The following CHSY3 variants were observed in gnomAD, a reference collection of about 807,000 sequenced individuals.
The protein encoded by CHSY3 is chondroitin sulfate synthase 3, also known as N-acetylgalactosaminyl-proteoglycan 3-beta-glucuronosyltransferase 3.
A neutral mutation model predicts 67.2 loss-of-function variants in CHSY3; 35 were observed. That is an observed-to-expected ratio of 0.52 (90% confidence interval 0.40 to 0.69). CHSY3 has a LOEUF of 0.69. Ranked by LOEUF, CHSY3 falls within the 30% of genes least tolerant of loss-of-function variation. The probability of loss-of-function intolerance (pLI) is 0.00; values close to 1 mark genes in which losing one functional copy is unlikely to be tolerated. For missense variants in CHSY3, 1,069 were observed against 1,138.5 expected, an observed-to-expected ratio of 0.94 and a Z score of 0.88; for synonymous variants, 474 against 434.7, an observed-to-expected ratio of 1.09 and a Z score of -1.12.
At chr5:130,142,136 A>G (rs1768888062) in intron 2 of CHSY3, among the ~76,000 whole-genome samples, 1 of 152,182 alleles carries the variant, frequency 6.6e-6, no homozygotes, top group South Asian at 2.1e-4. Flanking sequence ...TAAGTACTGT[A>G]TTATAAGTGG....
chr5:130,179,163 A>G (rs1770170804), intron 2 of CHSY3, among the ~76,000 whole-genome samples: 1 of 152,336 alleles, frequency 6.6e-6, no homozygotes, highest in Non-Finnish European at 1.5e-5. Context: ...TTTATTCAGA[A>G]GTTGACTTGA....
intron 2 of CHSY3, among the ~76,000 whole-genome samples, chr5:130,177,620 T>C (rs1363112489): frequency 6.6e-6 from 1 of 152,162 alleles, no homozygotes; most frequent in Non-Finnish European, 1.5e-5. Context: ...GAGAAGTCTA[T>C]AGACATGCTG....
chr5:130,020,455 A>T (rs1265534838), intron 2 of CHSY3, among the ~76,000 whole-genome samples: 120 of 3,278 alleles, frequency 0.037, 8 homozygotes, highest in African/African-American at 0.067. Context: ...ATATATATAT[A>T]TATATATTTT....
intron 2 of CHSY3, among the ~76,000 whole-genome samples, chr5:130,121,721 G>A (rs1768032473): frequency 6.6e-6 from 1 of 152,102 alleles, no homozygotes; most frequent in Non-Finnish European, 1.5e-5. Context: ...AACAAAAAGT[G>A]TATCCTTCAT....
At position 130,184,348 on chromosome 5, in the gene CHSY3, A is replaced by G. The variant is rs1222861305; in HGVS notation, c.1206A>G (p.Gln402=). ...ATCCCAACAAAAGGCCTGCATACCAATACAGGCTGCATAATTACATGCTCA... is the reference window on the plus strand; with the variant it reads ...ATCCCAACAAAAGGCCTGCATACCAGTACAGGCTGCATAATTACATGCTCA... ...TLHPNKRPAY[Q]YRLHNYMLSR... The change falls in exon 3 of 3, where the codon CAA becomes CAG. Residue 402 remains glutamine, a synonymous_variant. Coordinates refer to ENST00000305031, the MANE Select transcript of CHSY3 (RefSeq NM_175856.5). 2 of 1,614,142 alleles carry G rather than the reference A, an allele frequency of 1.2e-6. No homozygotes were observed. Among genetic ancestry groups the G allele is most frequent in the Admixed American group, 1.7e-5 (1 of 60,020 alleles).
chr5:129,959,065 G>C (rs556472479), intron 2 of CHSY3, among the ~76,000 whole-genome samples: 2 of 152,112 alleles, frequency 1.3e-5, no homozygotes, highest in Admixed American at 1.3e-4. Context: ...AATCCCAAGT[G>C]AATATGCTCT....
chr5:130,062,557 A>ATT (rs914188493), intron 2 of CHSY3, among the ~76,000 whole-genome samples: 2 of 151,788 alleles, frequency 1.3e-5, no homozygotes, highest in African/African-American at 4.8e-5. Context: ...AAATATGATA[A>ATT]TTTTTTTTGA....
chr5:129,923,280 GA>G (rs1347184404), intron 2 of CHSY3, among the ~76,000 whole-genome samples: 1 of 151,588 alleles, frequency 6.6e-6, no homozygotes, highest in African/African-American at 2.4e-5. Context: ...TATAAGAGAA[GA>G]AAAAGAAAAA....
At chr5:130,068,969 G>T (rs1435705573) in intron 2 of CHSY3, among the ~76,000 whole-genome samples, 3 of 152,020 alleles carry the variant, frequency 2.0e-5, no homozygotes, top group African/African-American at 7.2e-5. Flanking sequence ...TGAATAAATG[G>T]GTGGAGTACT....
At chr5:130,143,587 G>T (rs1383047411) in intron 2 of CHSY3, among the ~76,000 whole-genome samples, 2 of 150,810 alleles carry the variant, frequency 1.3e-5, no homozygotes, top group Non-Finnish European at 1.5e-5. Context: ...CTAATTCAGG[G>T]TTATTGCTAC....
chr5:130,064,681 A>G (rs1296175651), intron 2 of CHSY3, among the ~76,000 whole-genome samples: 5 of 152,186 alleles, frequency 3.3e-5, no homozygotes, highest in South Asian at 4.1e-4. Flanking sequence ...ATCTGGAGCC[A>G]AATCTCAGAG....
chr5:130,014,499 A>G (rs74644760), intron 2 of CHSY3, among the ~76,000 whole-genome samples: 3,573 of 152,290 alleles, frequency 0.023, 129 homozygotes, highest in African/African-American at 0.082. Flanking sequence ...GCCAGGCCAG[A>G]TGGGGAAATG....
intron 2 of CHSY3, among the ~76,000 whole-genome samples, chr5:130,169,718 T>C (rs1271040873): frequency 1.3e-5 from 2 of 150,152 alleles, no homozygotes; most frequent in East Asian, 3.9e-4. Context: ...TTACAACCAA[T>C]CCAACCTTTG....
chr5:130,068,988 A>G (rs1765972906), intron 2 of CHSY3, among the ~76,000 whole-genome samples: 1 of 152,108 alleles, frequency 6.6e-6, no homozygotes. Flanking sequence ...CTCAAAATAT[A>G]TATGTATTTC....
intron 2 of CHSY3, among the ~76,000 whole-genome samples, chr5:130,073,731 T>C (rs534387515): frequency 1.4e-3 from 214 of 152,156 alleles, no homozygotes; most frequent in Non-Finnish European, 2.2e-3. Flanking sequence ...GGCTAAACTT[T>C]ATTGAAATCA....
chr5:130,052,156 A>T, intron 2 of CHSY3: 1 of 152,140 alleles, frequency 6.6e-6, no homozygotes, highest in East Asian at 1.9e-4. Context: ...TGCATGGTGT[A>T]GCCCCATAGA....
At chr5:129,990,454 A>T (rs1446717187) in intron 2 of CHSY3, among the ~76,000 whole-genome samples, 1 of 151,560 alleles carries the variant, frequency 6.6e-6, no homozygotes, top group African/African-American at 2.4e-5. Flanking sequence ...TCCATACTGT[A>T]ATTGAATTTA....
At chr5:129,999,834 T>C (rs1763666740) in intron 2 of CHSY3, among the ~76,000 whole-genome samples, 1 of 152,102 alleles carries the variant, frequency 6.6e-6, no homozygotes, top group African/African-American at 2.4e-5. Flanking sequence ...TGCAAGATAA[T>C]GTGACAAAAT....
intron 2 of CHSY3, among the ~76,000 whole-genome samples, chr5:129,921,671 G>C (rs1760929427): frequency 6.6e-6 from 1 of 152,018 alleles, no homozygotes; most frequent in African/African-American, 2.4e-5. Context: ...ACAGATGAGA[G>C]AATTTCTTCT....
Sources: allele counts gnomAD v4.1 joint callset (sites outside exome capture counted in the v4.1 genomes callset), GRCh38; gene constraint gnomAD v4.1.1; transcripts MANE v1.5; gene names NCBI Gene and HGNC (gene_info 2026-07-23, HGNC 2026-07-21).